The following COX6B1 variants were observed in gnomAD, a reference collection of about 807,000 sequenced individuals.
COX6B1 encodes cytochrome c oxidase subunit 6B1, also known as COX VIb-1.
Under a neutral mutation model 14.0 loss-of-function variants are expected in COX6B1, and 2 were observed. The ratio of observed to expected loss-of-function variants is 0.14; its 90% confidence interval spans 0.06 to 0.45. COX6B1 has a LOEUF of 0.45. Ranked by LOEUF, COX6B1 falls within the 20% of genes least tolerant of loss-of-function variation. COX6B1 has a pLI of 0.98. For synonymous variants in COX6B1, 30 were observed against 39.7 expected (o/e 0.76, Z 0.92); for missense variants, 81 against 114.2 (o/e 0.71, Z 1.33).
chr19:35,652,176 C>T (rs1444488550), intron 2 of COX6B1, among the ~76,000 whole-genome samples: 2 of 151,920 alleles, frequency 1.3e-5, no homozygotes, highest in African/African-American at 4.8e-5. Flanking sequence ...ATTACAGGCA[C>T]CTGCCACCAC....
Position 35,658,043 on chromosome 19 carries a change from C to G in COX6B1, c.208-551C>G, listed in dbSNP as rs147736497. The stretch of plus-strand genomic sequence containing the variant: ...CTGAGCTCAAGCAGTCCTCCCACAT[C>G]GGCCCCGCAAAGTGCTGGGATGACA... On this transcript the variant is annotated intron_variant, in intron 3 of 3. Coordinates refer to ENST00000649813, the MANE Select transcript of COX6B1 (RefSeq NM_001863.5). Among the ~76,000 whole-genome samples the G allele has an allele frequency of 2.6e-5, 4 of 152,130 alleles. No homozygotes were observed. The South Asian group carries it at 8.3e-4, about 32-fold the overall frequency.
intron 3 of COX6B1, among the ~76,000 whole-genome samples, chr19:35,657,591 G>A (rs1967900248): frequency 6.6e-6 from 1 of 151,370 alleles, no homozygotes; most frequent in Non-Finnish European, 1.5e-5. Context: ...GGTCCACAAA[G>A]AGTAGAGTGT....
intron 1 of COX6B1, among the ~76,000 whole-genome samples, chr19:35,650,448 C>G (rs1402618260): frequency 6.6e-6 from 1 of 152,010 alleles, no homozygotes; most frequent in African/African-American, 2.4e-5. Flanking sequence ...TTGGTGTCTC[C>G]GTTCTGTAAT....
chr19:35,650,605 G>A (rs997725276), intron 1 of COX6B1, among the ~76,000 whole-genome samples: 1 of 152,028 alleles, frequency 6.6e-6, no homozygotes, highest in African/African-American at 2.4e-5. Flanking sequence ...CTGTTCGGGA[G>A]GCTGAGGCAA....
Position 35,656,984 on chromosome 19 carries a change from G to A in COX6B1, c.208-1610G>A, listed in dbSNP as rs577784202. ...TTATCCATGCTTTCATCCACTGTTCGTTCTTGCACCAGTGGTCCTCACCCT... is the reference window on the plus strand; with the variant it reads ...TTATCCATGCTTTCATCCACTGTTCATTCTTGCACCAGTGGTCCTCACCCT... On this transcript the variant is annotated intron_variant, in intron 3 of 3. Coordinates refer to ENST00000649813, the MANE Select transcript of COX6B1 (RefSeq NM_001863.5). 6.6e-5 allele frequency among the ~76,000 whole-genome samples: 10 copies of A among 152,076 alleles called. No individual in the cohort carries two copies. The South Asian group carries it at 8.3e-4, about 13-fold the overall frequency.
intron 2 of COX6B1, among the ~76,000 whole-genome samples, chr19:35,653,641 C>T (rs1252108443): frequency 2.7e-5 from 4 of 145,456 alleles, no homozygotes; most frequent in African/African-American, 5.1e-5. Flanking sequence ...AGTGCAGTGG[C>T]GTGATCTCGG....
At chr19:35,652,467 C>T (rs1555719996) in intron 2 of COX6B1, among the ~76,000 whole-genome samples, 1 of 148,658 alleles carries the variant, frequency 6.7e-6, no homozygotes, top group Non-Finnish European at 1.5e-5. Context: ...TTTTTGTTTT[C>T]GTTGCCCAGG....
intron 1 of COX6B1, chr19:35,648,636 G>A (rs1433029060): frequency 5.7e-6 from 2 of 351,148 alleles, no homozygotes; most frequent in Non-Finnish European, 1.1e-5. Flanking sequence ...CCAGCCCTAT[G>A]AGATAGGGCC....
chr19:35,648,894 G>A (rs760418313), intron 1 of COX6B1: 2 of 533,438 alleles, frequency 3.7e-6, no homozygotes, highest in East Asian at 5.4e-5. Flanking sequence ...CAGATACCGG[G>A]TAGAGATCTC....
chr19:35,650,810 C>T (rs1251220349), intron 1 of COX6B1, among the ~76,000 whole-genome samples: 3 of 151,380 alleles, frequency 2.0e-5, no homozygotes, highest in Non-Finnish European at 4.4e-5. Flanking sequence ...TAGATTATGC[C>T]AACAACGGAG....
chr19:35,655,910 T>G (rs1169687603), intron 3 of COX6B1, among the ~76,000 whole-genome samples: 1 of 151,832 alleles, frequency 6.6e-6, no homozygotes, highest in South Asian at 2.1e-4. Flanking sequence ...CAGACTGGAG[T>G]GCAGTAGCAT....
At chr19:35,654,471 G>A in intron 2 of COX6B1, 100 bp from the exon 3 acceptor site, 1 of 951,984 alleles carries the variant, frequency 1.1e-6, no homozygotes, top group Non-Finnish European at 1.7e-6. Flanking sequence ...TCGCACCACT[G>A]CACTCCAGCC....
At chr19:35,649,136 T>C (rs995674328) in intron 1 of COX6B1, among the ~76,000 whole-genome samples, 2 of 152,104 alleles carry the variant, frequency 1.3e-5, no homozygotes, top group Non-Finnish European at 2.9e-5. Context: ...TTCAGAGACA[T>C]TATATTAAAG....
At position 35,658,754 on chromosome 19, in the gene COX6B1, C is replaced by A; in HGVS notation, c.*107C>A. On this transcript the variant is annotated 3_prime_UTR_variant, in exon 4 of 4. Transcript: ENST00000649813. ...CCCAGGATCCTAAATCATGACTTAC[C>A]TGCTAATAAAAACTCATTGGAAAAG... 9.8e-7 allele frequency: 1 copy of A among 1,023,192 alleles called. No homozygotes were observed. The highest frequency in any genetic ancestry group is 1.5e-6 in the Non-Finnish European group (1 of 655,840). 63.4% of individuals were successfully genotyped at this position (1,023,192 alleles called of 1,614,324 possible). A position where few individuals can be genotyped will look rare whatever the true frequency, so the allele number is the denominator to read the frequency against.
intron 1 of COX6B1, chr19:35,648,858 C>A: frequency 3.7e-6 from 2 of 533,382 alleles, no homozygotes; most frequent in South Asian, 1.4e-5. Context: ...GGGGCCGCAG[C>A]GTCATCTCCG....
At chr19:35,654,444 G>A (rs1967865243) in intron 2 of COX6B1, 127 bp from the exon 3 acceptor site, 6 of 774,870 alleles carry the variant, frequency 7.7e-6, no homozygotes, top group Admixed American at 5.4e-5. Flanking sequence ...GGAGGTAGAG[G>A]TTGCAGTGAG....
intron 3 of COX6B1, among the ~76,000 whole-genome samples, chr19:35,658,341 C>A (rs780636793): frequency 6.6e-6 from 1 of 152,106 alleles, no homozygotes; most frequent in Admixed American, 6.6e-5. Flanking sequence ...TGACACATCT[C>A]CCCATCGACA....
intron 1 of COX6B1, among the ~76,000 whole-genome samples, 190 bp from the exon 2 acceptor site, chr19:35,651,043 A>G (rs185647983): frequency 1.3e-5 from 2 of 151,950 alleles, no homozygotes; most frequent in African/African-American, 4.8e-5. Context: ...TTGTACCCCA[A>G]CCCTGCCGCG....
intron 2 of COX6B1, among the ~76,000 whole-genome samples, chr19:35,653,523 C>T (rs538525867): frequency 2.6e-5 from 4 of 151,530 alleles, no homozygotes; most frequent in South Asian, 2.1e-4. Context: ...CTGCCTGCCT[C>T]GGCCTCCCAA....
Sources: allele counts gnomAD v4.1 joint callset (sites outside exome capture counted in the v4.1 genomes callset), GRCh38; gene constraint gnomAD v4.1.1; transcripts MANE v1.5; gene names NCBI Gene and HGNC (gene_info 2026-07-23, HGNC 2026-07-21).